The following CHCHD3 variants were observed in gnomAD, a reference collection of about 807,000 sequenced individuals.
The protein encoded by CHCHD3 is coiled-coil-helix-coiled-coil-helix domain containing 3, also known as MICOS complex subunit MIC19.
A neutral mutation model predicts 38.2 loss-of-function variants in CHCHD3; 20 were observed. The observed-to-expected ratio is 0.52, with a 90% CI of 0.37 to 0.76. CHCHD3 has a LOEUF of 0.76. CHCHD3 is among the 30% of genes least tolerant of loss of function. The probability of loss-of-function intolerance (pLI) is 0.00; values close to 1 mark genes in which losing one functional copy is unlikely to be tolerated. For missense variants in CHCHD3, 245 were observed against 279.2 expected (o/e 0.88, Z 0.87); for synonymous variants, 82 against 100.0 (o/e 0.82, Z 1.07).
chr7:132,986,424 G>GAAAAAA (rs59151340), intron 3 of CHCHD3, among the ~76,000 whole-genome samples: 50 of 131,126 alleles, frequency 3.8e-4, no homozygotes, highest in Non-Finnish European at 6.2e-4. Context: ...AAAGAAAAAA[G>GAAAAAA]AAAAAAAAAA....
At chr7:132,960,524 A>C (rs1811290837) in intron 4 of CHCHD3, among the ~76,000 whole-genome samples, 1 of 152,240 alleles carries the variant, frequency 6.6e-6, no homozygotes, top group African/African-American at 2.4e-5. Flanking sequence ...GCACCAATAC[A>C]TTCTTCTATC....
chr7:132,974,119 G>T, intron 4 of CHCHD3: 1 of 936,424 alleles, frequency 1.1e-6, no homozygotes, highest in Non-Finnish European at 1.4e-6. Flanking sequence ...TCAGAAAAAT[G>T]TTCAGTGACA....
At chr7:132,816,680 T>C (rs1585539911) in intron 6 of CHCHD3, among the ~76,000 whole-genome samples, 1 of 152,190 alleles carries the variant, frequency 6.6e-6, no homozygotes, top group East Asian at 1.9e-4. Context: ...CCTCCTCCTT[T>C]ATGGCAGCGG....
At position 132,785,586 on chromosome 7, in the gene CHCHD3, G is replaced by A; in HGVS notation, c.*51C>T. ...TTGTTTTCTCACTAGGAAAAAAAAT[G>A]TTCCATCTCTGGAATTAACGTTGAT... is the stretch of plus-strand genomic sequence containing the variant. On this transcript the variant is annotated 3_prime_UTR_variant, in exon 8 of 8. Transcript: ENST00000262570. 6.3e-7 allele frequency: 1 copy of A among 1,592,468 alleles called. No homozygotes were observed. Among genetic ancestry groups the A allele is most frequent in the Non-Finnish European group, 8.6e-7 (1 of 1,161,006 alleles).
rs17338845 is a variant in CHCHD3, at chr7:133,081,944, G to T, written c.-7C>A. On this transcript the variant is annotated 5_prime_UTR_variant, in exon 1 of 8. Coordinates refer to ENST00000262570, the MANE Select transcript of CHCHD3 (RefSeq NM_017812.4). ...TGCTGGTGGTCCCACCCATGATTCC[G>T]GTTCCTGCCCCAGCGGAGACCTAGC... The T allele has an allele frequency of 0.013, 20,735 of 1,545,814 alleles. 160 individuals carry two copies. The highest frequency in any genetic ancestry group is 0.019 in the Middle Eastern group (89 of 4,592).
chr7:132,901,190 CA>C (rs1177372843), intron 4 of CHCHD3, among the ~76,000 whole-genome samples: 1 of 152,192 alleles, frequency 6.6e-6, no homozygotes, highest in African/African-American at 2.4e-5. Context: ...AGCCTCTGTA[CA>C]AAGCCTCCGG....
chr7:132,986,236 A>G (rs539165540), intron 3 of CHCHD3, among the ~76,000 whole-genome samples: 77 of 147,706 alleles, frequency 5.2e-4, no homozygotes, highest in African/African-American at 1.9e-3. Context: ...ACCACTCCCT[A>G]ATCTCAAGTA....
chr7:132,862,987 T>C (rs1047605891), intron 5 of CHCHD3, among the ~76,000 whole-genome samples: 2 of 152,214 alleles, frequency 1.3e-5, no homozygotes, highest in African/African-American at 2.4e-5. Flanking sequence ...TCCACTGAAG[T>C]GTTGAACCCT....
intron 6 of CHCHD3, among the ~76,000 whole-genome samples, chr7:132,837,438 A>G (rs1807814170): frequency 6.6e-6 from 1 of 152,196 alleles, no homozygotes; most frequent in Admixed American, 6.5e-5. Context: ...TGCTGCCTCT[A>G]AAGAGATAGT....
intron 5 of CHCHD3, among the ~76,000 whole-genome samples, chr7:132,855,297 A>G: frequency 6.6e-6 from 1 of 152,198 alleles, no homozygotes; most frequent in Non-Finnish European, 1.5e-5. Context: ...ACAATACCCA[A>G]GAAAAAGAAG....
At chr7:132,947,315 C>T (rs1810924451) in intron 4 of CHCHD3, among the ~76,000 whole-genome samples, 1 of 151,818 alleles carries the variant, frequency 6.6e-6, no homozygotes, top group Non-Finnish European at 1.5e-5. Flanking sequence ...ACCTATTTAG[C>T]TTTTGTACTA....
intron 3 of CHCHD3, among the ~76,000 whole-genome samples, chr7:132,993,057 AC>A (rs1328308623): frequency 6.6e-6 from 1 of 152,128 alleles, no homozygotes; most frequent in Non-Finnish European, 1.5e-5. Context: ...AAAAGCCTAA[AC>A]CCAGGCTGAT....
intron 2 of CHCHD3, among the ~76,000 whole-genome samples, chr7:133,046,115 T>C (rs1448770599): frequency 1.3e-5 from 2 of 152,222 alleles, no homozygotes; most frequent in Non-Finnish European, 2.9e-5. Context: ...ATTTTTGCTT[T>C]TGTAATTGTT....
chr7:132,868,298 T>G (rs1808682909), intron 5 of CHCHD3, among the ~76,000 whole-genome samples: 1 of 152,176 alleles, frequency 6.6e-6, no homozygotes, highest in African/African-American at 2.4e-5. Flanking sequence ...TATTAGATGT[T>G]TATACAGATC....
intron 6 of CHCHD3, among the ~76,000 whole-genome samples, chr7:132,832,010 A>G (rs1043231074): frequency 4.6e-5 from 7 of 152,188 alleles, no homozygotes; most frequent in African/African-American, 1.7e-4. Flanking sequence ...CTATTAAAAT[A>G]TTACATCCAA....
At chr7:132,814,292 G>C (rs1037908844) in intron 6 of CHCHD3, among the ~76,000 whole-genome samples, 2 of 152,162 alleles carry the variant, frequency 1.3e-5, no homozygotes, top group Non-Finnish European at 2.9e-5. Flanking sequence ...TAGACATGCC[G>C]GTGTTACTAA....
At chr7:133,039,694 G>A (rs1421741514) in intron 2 of CHCHD3, among the ~76,000 whole-genome samples, 1 of 152,190 alleles carries the variant, frequency 6.6e-6, no homozygotes, top group African/African-American at 2.4e-5. Context: ...AGGCTGCCCC[G>A]AGCAGCAGCC....
intron 4 of CHCHD3, among the ~76,000 whole-genome samples, chr7:132,947,179 T>A (rs2117280595): frequency 6.6e-6 from 1 of 152,090 alleles, no homozygotes; most frequent in South Asian, 2.1e-4. Context: ...ATCACTACTG[T>A]TAATGCTTTA....
At chr7:132,961,215 G>T (rs971018649) in intron 4 of CHCHD3, among the ~76,000 whole-genome samples, 1 of 152,144 alleles carries the variant, frequency 6.6e-6, no homozygotes. Flanking sequence ...CCAGGAGGTC[G>T]AGGCTACAGT....
Sources: allele counts gnomAD v4.1 joint callset (sites outside exome capture counted in the v4.1 genomes callset), GRCh38; gene constraint gnomAD v4.1.1; transcripts MANE v1.5; gene names NCBI Gene and HGNC (gene_info 2026-07-23, HGNC 2026-07-21).